CAMK4: variants seen among roughly 807,000 people sequenced by gnomAD.
The protein encoded by CAMK4 is calcium/calmodulin dependent protein kinase IV, also known as calcium/calmodulin-dependent protein kinase type IV.
Under a neutral mutation model 44.9 loss-of-function variants are expected in CAMK4, and 22 were observed. That is an observed-to-expected ratio of 0.49 (90% CI 0.35 to 0.70). The LOEUF (loss-of-function observed/expected upper bound fraction) is 0.70. Ranked by LOEUF, CAMK4 falls within the 30% of genes least tolerant of loss-of-function variation. The probability of loss-of-function intolerance (pLI) is 0.01; values close to 1 mark genes in which losing one functional copy is unlikely to be tolerated. For missense variants in CAMK4, 498 were observed against 586.8 expected (o/e 0.85, Z 1.56); for synonymous variants, 218 against 215.4 (o/e 1.01, Z -0.11).
intron 5 of CAMK4, among the ~76,000 whole-genome samples, chr5:111,403,079 A>G (rs949454892): frequency 7.2e-5 from 11 of 152,238 alleles, no homozygotes; most frequent in Non-Finnish European, 1.0e-4. Context: ...CCATTTAAAC[A>G]TAACAGAAAG....
chr5:111,245,942 A>T (rs3898862), intron 1 of CAMK4, among the ~76,000 whole-genome samples: 71,868 of 152,068 alleles, frequency 0.47, 17,276 homozygotes, highest in African/African-American at 0.53. Context: ...TTCTTCTATA[A>T]CCATTTATAG....
chr5:111,311,521 G>T (rs1049850009), intron 1 of CAMK4, among the ~76,000 whole-genome samples: 1 of 152,168 alleles, frequency 6.6e-6, no homozygotes, highest in Non-Finnish European at 1.5e-5. Context: ...GTAATGGATT[G>T]AGGCCAGGTT....
At chr5:111,261,650 G>A (rs931206390) in intron 1 of CAMK4, among the ~76,000 whole-genome samples, 1 of 150,212 alleles carries the variant, frequency 6.7e-6, no homozygotes, top group Middle Eastern at 3.4e-3. Flanking sequence ...TTAGTGTCAC[G>A]TTTATCATGC....
chr5:111,443,340 T>C (rs1753912589), intron 5 of CAMK4, among the ~76,000 whole-genome samples: 1 of 137,142 alleles, frequency 7.3e-6, no homozygotes, highest in African/African-American at 2.9e-5. Context: ...ATATATACTA[T>C]ATATATACTA....
intron 5 of CAMK4, among the ~76,000 whole-genome samples, chr5:111,436,915 G>T (rs185215682): frequency 2.0e-5 from 3 of 152,178 alleles, no homozygotes; most frequent in African/African-American, 7.2e-5. Flanking sequence ...AGCATGTGAA[G>T]AAATTAATTC....
intron 1 of CAMK4, among the ~76,000 whole-genome samples, chr5:111,238,989 T>A (rs1365986509): frequency 4.0e-5 from 6 of 151,598 alleles, no homozygotes; most frequent in African/African-American, 7.3e-5. Context: ...TTTCCAAGTG[T>A]CAATGCCTGC....
chr5:111,372,807 ATGTGCG>A (rs1300764876), intron 2 of CAMK4, among the ~76,000 whole-genome samples: 1 of 152,124 alleles, frequency 6.6e-6, no homozygotes, highest in African/African-American at 2.4e-5. Flanking sequence ...ATGTATCAAG[ATGTGCG>A]TCTTCCTTTA....
chr5:111,447,199 G>T (rs1754060295), intron 6 of CAMK4, among the ~76,000 whole-genome samples: 1 of 152,146 alleles, frequency 6.6e-6, no homozygotes. Context: ...ATATTAGTGA[G>T]TCTAGGCTTT....
chr5:111,262,649 A>C lies in CAMK4; in HGVS notation c.161+38005A>C, dbSNP rs531281153. On this transcript the variant is annotated intron_variant, in intron 1 of 10. Transcript: ENST00000282356. ...TAAACTAAAAAGTAAATAATGACCC[A>C]CTTTACTTGCTTTCATGTGGCTTTT... Among the ~76,000 whole-genome samples, 11 of 152,308 alleles carry C rather than the reference A, an allele frequency of 7.2e-5. No individual in the cohort carries two copies. The South Asian group carries it at 8.3e-4, about 11-fold the overall frequency.
At chr5:111,391,561 A>C (rs2112855241) in intron 4 of CAMK4, among the ~76,000 whole-genome samples, 1 of 152,198 alleles carries the variant, frequency 6.6e-6, no homozygotes, top group Non-Finnish European at 1.5e-5. Context: ...GTTACAAAAT[A>C]AGCTAAAATT....
chr5:111,378,779 A>G (rs925173683), intron 4 of CAMK4, among the ~76,000 whole-genome samples: 3 of 152,148 alleles, frequency 2.0e-5, no homozygotes, highest in African/African-American at 7.2e-5. Flanking sequence ...ACTGAAAGAT[A>G]ACTAACTAAC....
At chr5:111,399,262 G>A (rs942030469) in intron 5 of CAMK4, among the ~76,000 whole-genome samples, 7 of 151,934 alleles carry the variant, frequency 4.6e-5, no homozygotes, top group African/African-American at 1.7e-4. Flanking sequence ...TCCTGCCTGG[G>A]GAGCTCTTCA....
chr5:111,387,286 C>T lies in CAMK4; in HGVS notation c.387-7424C>T, dbSNP rs115568005. 1.6e-3 allele frequency among the ~76,000 whole-genome samples: 242 copies of T among 152,170 alleles called. 2 individuals carry two copies. Among genetic ancestry groups the T allele is most frequent in the African/African-American group, 5.4e-3 (226 of 41,514 alleles). The stretch of plus-strand genomic sequence containing the variant: ...TATATTTCGTATAAAGCTATAAAAC[C>T]TTGAGTCTCTACCCATGGTTCAATT... On this transcript the variant is annotated intron_variant, in intron 4 of 10. Coordinates refer to ENST00000282356, the MANE Select transcript of CAMK4 (RefSeq NM_001744.6).
At chr5:111,245,100 G>A (rs1271303907) in intron 1 of CAMK4, among the ~76,000 whole-genome samples, 2 of 151,910 alleles carry the variant, frequency 1.3e-5, no homozygotes, top group African/African-American at 4.8e-5. Flanking sequence ...ACTTTTATGG[G>A]GCTTGCACAT....
chr5:111,232,800 A>T (rs1467267395), intron 1 of CAMK4, among the ~76,000 whole-genome samples: 1 of 151,840 alleles, frequency 6.6e-6, no homozygotes, highest in Non-Finnish European at 1.5e-5. Context: ...ACAATCCCAT[A>T]GCCTATGACT....
rs769785093 is a variant in CAMK4, at chr5:111,489,959, C to G, written c.*5493C>G. 1 of 152,180 alleles carries G rather than the reference C, an allele frequency of 6.6e-6. No individual in the cohort carries two copies. Among genetic ancestry groups the G allele is most frequent in the Non-Finnish European group, 1.5e-5 (1 of 68,048 alleles). 9.4% of individuals were successfully genotyped at this position (152,180 alleles called of 1,614,324 possible). A position where few individuals can be genotyped will look rare whatever the true frequency, so the allele number is the denominator to read the frequency against. On this transcript the variant is annotated 3_prime_UTR_variant, in exon 11 of 11. Coordinates refer to ENST00000282356, the MANE Select transcript of CAMK4 (RefSeq NM_001744.6). Reference sequence around the variant, plus strand: ...CTGTGGCCCAGAATTTTGTTTGATACTCTAAACAGCAATGCAAAGACTGCA... The same window carrying G: ...CTGTGGCCCAGAATTTTGTTTGATAGTCTAAACAGCAATGCAAAGACTGCA...
chr5:111,455,436 T>G (rs1029092482), intron 7 of CAMK4, among the ~76,000 whole-genome samples: 1 of 152,126 alleles, frequency 6.6e-6, no homozygotes, highest in Non-Finnish European at 1.5e-5. Flanking sequence ...AAAGAGATGA[T>G]TAAATGTGGC....
In CAMK4 at chr5:111,374,906, A is replaced by C; in HGVS notation, c.297A>C (p.Pro99=). Residue 99 remains proline, a synonymous_variant, in exon 3 of 11, where the codon CCA becomes CCC. Transcript: ENST00000282356. ...GAGTTCTTCTTCGCCTCTCACATCC[A>C]AACATTGTAAGTGGTTTTTAACCTA... ...EIGVLLRLSH[P]NIIKLKEIFE... The C allele has an allele frequency of 6.2e-7, 1 of 1,609,834 alleles. No individual in the cohort carries two copies. Among genetic ancestry groups the C allele is most frequent in the Non-Finnish European group, 8.5e-7 (1 of 1,176,578 alleles).
chr5:111,296,862 A>G (rs947980699), intron 1 of CAMK4, among the ~76,000 whole-genome samples: 1 of 152,214 alleles, frequency 6.6e-6, no homozygotes, highest in Non-Finnish European at 1.5e-5. Context: ...CCAATTGATT[A>G]TGGGTCATTC....
Sources: gnomAD v4.1 joint callset for allele counts (sites outside exome capture counted in the v4.1 genomes callset) on GRCh38, gnomAD v4.1.1 for gene constraint, MANE v1.5 for transcripts, NCBI Gene and HGNC (gene_info 2026-07-23, HGNC 2026-07-21) for gene names.